Variants in PTPRK observed in about 807,000 individuals in gnomAD.
The protein encoded by PTPRK is protein tyrosine phosphatase receptor type K, also known as receptor-type tyrosine-protein phosphatase kappa.
In PTPRK, 75 loss-of-function variants were observed where a neutral mutation model predicts 178.0. That is an observed-to-expected ratio of 0.42 (90% CI 0.35 to 0.51). The LOEUF (loss-of-function observed/expected upper bound fraction) is 0.51, where lower values mean the gene tolerates loss of function less well. Ranked by LOEUF, PTPRK falls within the 20% of genes least tolerant of loss-of-function variation. The pLI is 0.02. For synonymous variants in PTPRK, 637 were observed against 620.6 expected, an observed-to-expected ratio of 1.03 and a Z score of -0.39; for missense variants, 1,441 against 1,797.8, an observed-to-expected ratio of 0.80 and a Z score of 3.59.
At chr6:127,996,089 A>T (rs941512476) in intron 17 of PTPRK, among the ~76,000 whole-genome samples, 2 of 152,060 alleles carry the variant, frequency 1.3e-5, no homozygotes, top group Non-Finnish European at 2.9e-5. Context: ...TTCTTTACTG[A>T]TCCTGTGGTT....
intron 1 of PTPRK, among the ~76,000 whole-genome samples, chr6:128,433,118 C>T (rs1372949660): frequency 6.6e-5 from 10 of 152,150 alleles, no homozygotes; most frequent in South Asian, 2.1e-4. Context: ...ATTTGTGCTA[C>T]GAAGATTTCA....
At chr6:128,306,870 A>T (rs533209752) in intron 3 of PTPRK, among the ~76,000 whole-genome samples, 11 of 152,294 alleles carry the variant, frequency 7.2e-5, no homozygotes, top group South Asian at 6.2e-4. Context: ...TCAGCTGCAC[A>T]TGATCTGTGT....
intron 1 of PTPRK, among the ~76,000 whole-genome samples, chr6:128,410,392 T>C (rs1842168544): frequency 2.0e-5 from 3 of 152,154 alleles, no homozygotes. Flanking sequence ...CCTTTAACAA[T>C]CTATAAAAAG....
At chr6:127,991,258 T>C in intron 20 of PTPRK, 36 bp downstream of exon 20, 1 of 1,512,250 alleles carries the variant, frequency 6.6e-7, no homozygotes, top group South Asian at 1.2e-5. Context: ...ACTATGTTCA[T>C]TTTTATGACA....
chr6:128,400,822 C>G (rs184678907), intron 1 of PTPRK, among the ~76,000 whole-genome samples: 1 of 152,152 alleles, frequency 6.6e-6, no homozygotes, highest in East Asian at 1.9e-4. Flanking sequence ...TCATAGCAAG[C>G]TCCTAATTCA....
intron 2 of PTPRK, among the ~76,000 whole-genome samples, chr6:128,368,903 C>T (rs1835877458): frequency 6.6e-6 from 1 of 151,590 alleles, no homozygotes; most frequent in South Asian, 2.1e-4. Context: ...AAGAATAAAA[C>T]TCTTCACTCT....
chr6:128,324,495 G>C (rs926928484), intron 2 of PTPRK, among the ~76,000 whole-genome samples: 1 of 151,954 alleles, frequency 6.6e-6, no homozygotes, highest in African/African-American at 2.4e-5. Context: ...TCATTTGTAG[G>C]CATTATCAAT....
At chr6:128,296,957 A>G (rs1824542337) in intron 3 of PTPRK, among the ~76,000 whole-genome samples, 2 of 152,008 alleles carry the variant, frequency 1.3e-5, no homozygotes, top group Admixed American at 6.5e-5. Flanking sequence ...AAGACCCATC[A>G]GTGTGCTGTA....
At chr6:128,450,492 C>G (rs1847648757) in intron 1 of PTPRK, among the ~76,000 whole-genome samples, 1 of 152,122 alleles carries the variant, frequency 6.6e-6, no homozygotes, top group Admixed American at 6.5e-5. Context: ...TACACTATAA[C>G]CTCCCCTGCC....
intron 5 of PTPRK, among the ~76,000 whole-genome samples, chr6:128,237,006 C>T (rs947709624): frequency 6.6e-6 from 1 of 152,068 alleles, no homozygotes; most frequent in Non-Finnish European, 1.5e-5. Flanking sequence ...ACAACAAAAA[C>T]GACTGATATA....
chr6:128,462,622 A>C (rs139387089), intron 1 of PTPRK, among the ~76,000 whole-genome samples: 2,337 of 142,206 alleles, frequency 0.016, 30 homozygotes, highest in Non-Finnish European at 0.022. Flanking sequence ...AAAAGTAGGT[A>C]TATTTTATTT....
chr6:128,176,563 A>G (rs1801110930), intron 7 of PTPRK, among the ~76,000 whole-genome samples: 1 of 151,780 alleles, frequency 6.6e-6, no homozygotes, highest in African/African-American at 2.4e-5. Context: ...TTTGAAGTTC[A>G]TTTTTTACTG....
intron 7 of PTPRK, among the ~76,000 whole-genome samples, chr6:128,136,907 G>A (rs1378716326): frequency 1.3e-5 from 2 of 152,102 alleles, no homozygotes; most frequent in East Asian, 3.9e-4. Context: ...CTATCCTCTA[G>A]GGATCTTCCA....
chr6:128,370,427 A>G (rs576805740), intron 2 of PTPRK, among the ~76,000 whole-genome samples: 15 of 152,190 alleles, frequency 9.9e-5, no homozygotes, highest in Non-Finnish European at 1.5e-4. Flanking sequence ...ACATTTTTTC[A>G]TTTCCTAAAT....
chr6:128,329,614 A>C (rs1455063139), intron 2 of PTPRK, among the ~76,000 whole-genome samples: 1 of 152,160 alleles, frequency 6.6e-6, no homozygotes, highest in Non-Finnish European at 1.5e-5. Context: ...TCCAAGTCCA[A>C]AGGCAGGAGA....
At chr6:128,345,359 G>A (rs918396128) in intron 2 of PTPRK, among the ~76,000 whole-genome samples, 1 of 152,046 alleles carries the variant, frequency 6.6e-6, no homozygotes, top group African/African-American at 2.4e-5. Context: ...CTCTGAGAGT[G>A]GCATAATGTA....
intron 7 of PTPRK, among the ~76,000 whole-genome samples, chr6:128,108,341 T>C (rs1053639813): frequency 2.0e-5 from 3 of 152,284 alleles, no homozygotes; most frequent in Middle Eastern, 3.4e-3. Flanking sequence ...TGACTGTTGA[T>C]TGTACCTAGT....
intron 7 of PTPRK, among the ~76,000 whole-genome samples, chr6:128,143,091 T>C (rs1796008521): frequency 6.6e-6 from 1 of 152,106 alleles, no homozygotes; most frequent in South Asian, 2.1e-4. Flanking sequence ...TTCTCCCCTT[T>C]CTCTTCTATA....
At chr6:127,992,851 A>G in intron 18 of PTPRK, 142 bp from the exon 19 acceptor site, 1 of 576,148 alleles carries the variant, frequency 1.7e-6, no homozygotes, top group Non-Finnish European at 3.0e-6. Flanking sequence ...CACATAGTTC[A>G]CTTCTCAAAC....
Sources: allele counts gnomAD v4.1 joint callset (sites outside exome capture counted in the v4.1 genomes callset), GRCh38; gene constraint gnomAD v4.1.1; transcripts MANE v1.5; gene names NCBI Gene and HGNC (gene_info 2026-07-23, HGNC 2026-07-21).